GABRB3: variants seen among roughly 807,000 people sequenced by gnomAD.
GABRB3 encodes the protein gamma-aminobutyric acid receptor subunit beta-3.
GABRB3 carries 14 observed loss-of-function variants against 52.1 expected under a neutral mutation model. The observed-to-expected ratio is 0.27, with a 90% CI of 0.18 to 0.42. The LOEUF (loss-of-function observed/expected upper bound fraction) is 0.42, where lower values mean the gene tolerates loss of function less well. GABRB3 is among the 10% of genes least tolerant of loss of function. The pLI, the probability that GABRB3 is intolerant of heterozygous loss-of-function variation, is 1.00. For synonymous variants in GABRB3, 260 were observed against 232.3 expected (o/e 1.12, Z -1.08); for missense variants, 307 against 609.1 (o/e 0.50, Z 5.22).
chr15:26,720,412 C>A (rs576176799), intron 3 of GABRB3, among the ~76,000 whole-genome samples: 167 of 152,296 alleles, frequency 1.1e-3, no homozygotes, highest in Non-Finnish European at 2.0e-3. Context: ...AGCTCAATCA[C>A]ACAGCATTGT....
chr15:26,601,054 G>GT (rs1566767515), intron 4 of GABRB3, among the ~76,000 whole-genome samples: 1 of 152,102 alleles, frequency 6.6e-6, no homozygotes, highest in Admixed American at 6.6e-5. Flanking sequence ...ATGAGATGCT[G>GT]TAAGTATAAG....
chr15:26,713,207 G>C (rs1384670314), intron 3 of GABRB3, among the ~76,000 whole-genome samples: 1 of 152,228 alleles, frequency 6.6e-6, no homozygotes, highest in Non-Finnish European at 1.5e-5. Flanking sequence ...GGGTGCGGCA[G>C]TGGGAAAGGT....
At chr15:26,687,876 T>C (rs1043705082) in intron 3 of GABRB3, among the ~76,000 whole-genome samples, 5 of 152,196 alleles carry the variant, frequency 3.3e-5, no homozygotes, top group Non-Finnish European at 7.3e-5. Flanking sequence ...AACCAAATAA[T>C]TACCTAGAAT....
At position 26,553,739 on chromosome 15, in the gene GABRB3, A is replaced by C. The variant is rs371788880; in HGVS notation, c.1081-5605T>G. On this transcript the variant is annotated intron_variant, in intron 8 of 8. Transcript: ENST00000311550. ...TACCATGTGGCTGCTACATGTCACC[A>C]TCTTGCCCTGTCCTTAGTCAGGAGC... Among the ~76,000 whole-genome samples, 4 of 151,982 alleles carry C rather than the reference A, an allele frequency of 2.6e-5. No individual in the cohort carries two copies. The South Asian group carries it at 6.2e-4, about 24-fold the overall frequency.
At chr15:26,701,334 A>G (rs928006501) in intron 3 of GABRB3, among the ~76,000 whole-genome samples, 2 of 152,214 alleles carry the variant, frequency 1.3e-5, no homozygotes, top group Admixed American at 1.3e-4. Context: ...TTCACAGATG[A>G]CATGAAAATC....
At chr15:26,589,416 G>T (rs1891110412) in intron 4 of GABRB3, among the ~76,000 whole-genome samples, 1 of 152,162 alleles carries the variant, frequency 6.6e-6, no homozygotes, top group African/African-American at 2.4e-5. Context: ...TGCTTAGAGT[G>T]AATCCAGCAA....
chr15:26,665,214 C>T (rs955804434), intron 3 of GABRB3, among the ~76,000 whole-genome samples: 1 of 152,184 alleles, frequency 6.6e-6, no homozygotes, highest in Non-Finnish European at 1.5e-5. Flanking sequence ...CTGTATGTTT[C>T]TACCTGTTAA....
chr15:26,711,649 T>C (rs1198298869), intron 3 of GABRB3, among the ~76,000 whole-genome samples: 1 of 152,110 alleles, frequency 6.6e-6, no homozygotes, highest in Non-Finnish European at 1.5e-5. Flanking sequence ...GCAGGACACG[T>C]CAGAGTAAGC....
chr15:26,573,880 T>C (rs1014243383), intron 6 of GABRB3, among the ~76,000 whole-genome samples: 3 of 152,046 alleles, frequency 2.0e-5, no homozygotes, highest in Non-Finnish European at 4.4e-5. Flanking sequence ...TGAGACTCCA[T>C]CTTTACAAAA....
chr15:26,707,037 G>A (rs1889124381), intron 3 of GABRB3, among the ~76,000 whole-genome samples: 1 of 152,198 alleles, frequency 6.6e-6, no homozygotes, highest in Admixed American at 6.5e-5. Flanking sequence ...CCACCTTGGA[G>A]GCACTCACAC....
chr15:26,724,579 C>G (rs778705460), intron 3 of GABRB3, among the ~76,000 whole-genome samples: 5 of 152,076 alleles, frequency 3.3e-5, no homozygotes, highest in Non-Finnish European at 7.3e-5. Flanking sequence ...GAGTGGTTGG[C>G]GCCAGTCTAC....
intron 4 of GABRB3, chr15:26,616,039 C>A: frequency 7.8e-7 from 1 of 1,289,216 alleles, no homozygotes; most frequent in African/African-American, 1.5e-5. Context: ...GCCAGACCTC[C>A]TCCAGGCCAG....
rs996149864 is a variant in GABRB3, at chr15:26,628,893, C to A, written c.241-7359G>T. ...ACGGAGGCTCTCAGGCCTTGGAAAT[C>A]CGAGCTGGGAGGTGTGGGGGAGTCA... On this transcript the variant is annotated intron_variant, in intron 3 of 8. Coordinates refer to ENST00000311550, the MANE Select transcript of GABRB3 (RefSeq NM_000814.6). 34 of 1,374,988 alleles carry A rather than the reference C, an allele frequency of 2.5e-5. No individual in the cohort carries two copies. The Admixed American group carries it at 6.7e-4, about 27-fold the overall frequency. 85.2% of individuals were successfully genotyped at this position (1,374,988 alleles called of 1,614,324 possible).
intron 3 of GABRB3, among the ~76,000 whole-genome samples, chr15:26,626,438 A>C (rs1020220326): frequency 6.6e-6 from 1 of 152,168 alleles, no homozygotes; most frequent in African/African-American, 2.4e-5. Context: ...GAAATGATTA[A>C]GCTTAGTGAG....
chr15:26,716,017 T>C (rs1938242081), intron 3 of GABRB3, among the ~76,000 whole-genome samples: 1 of 152,142 alleles, frequency 6.6e-6, no homozygotes, highest in African/African-American at 2.4e-5. Context: ...TCAATTAGAA[T>C]GAAAAGCTGA....
At chr15:26,679,209 G>A (rs1250375684) in intron 3 of GABRB3, among the ~76,000 whole-genome samples, 1 of 152,130 alleles carries the variant, frequency 6.6e-6, no homozygotes, top group Non-Finnish European at 1.5e-5. Flanking sequence ...CTCTTTTGGG[G>A]GGAAAGTCCC....
At chr15:26,721,378 T>G (rs111771683) in intron 3 of GABRB3, among the ~76,000 whole-genome samples, 1 of 152,006 alleles carries the variant, frequency 6.6e-6, no homozygotes, top group African/African-American at 2.4e-5. Context: ...AAGAGGACTC[T>G]AAATCACTCA....
intron 3 of GABRB3, among the ~76,000 whole-genome samples, chr15:26,649,241 C>T (rs2140586008): frequency 6.6e-6 from 1 of 152,250 alleles, no homozygotes; most frequent in Middle Eastern, 3.4e-3. Flanking sequence ...TCTGCCCTCA[C>T]AAAAGGGATT....
At chr15:26,734,433 G>GA (rs914389137) in intron 3 of GABRB3, among the ~76,000 whole-genome samples, 30 of 151,862 alleles carry the variant, frequency 2.0e-4, no homozygotes, top group Non-Finnish European at 3.7e-4. Flanking sequence ...GGCAACAAAA[G>GA]AAAAAAACAG....
Sources: allele counts gnomAD v4.1 joint callset (sites outside exome capture counted in the v4.1 genomes callset), GRCh38; gene constraint gnomAD v4.1.1; transcripts MANE v1.5; gene names NCBI Gene and HGNC (gene_info 2026-07-23, HGNC 2026-07-21).